The following ELP4 variants were observed in gnomAD, a reference collection of about 807,000 sequenced individuals.
ELP4 encodes the protein elongator acetyltransferase complex subunit 4.
ELP4 carries 51 observed loss-of-function variants against 48.9 expected under a neutral mutation model. The ratio of observed to expected loss-of-function variants is 1.04; its 90% confidence interval spans 0.83 to 1.32. The LOEUF is 1.32. Ranked by LOEUF, ELP4 falls within the 40% of genes most tolerant of loss-of-function variation. The pLI is 0.00. For synonymous variants in ELP4, 210 were observed against 189.2 expected (o/e 1.11, Z -0.90); for missense variants, 519 against 514.6 (o/e 1.01, Z -0.08).
intron 3 of ELP4, among the ~76,000 whole-genome samples, chr11:31,586,239 T>C (rs1957471103): frequency 6.6e-6 from 1 of 152,160 alleles, no homozygotes; most frequent in Admixed American, 6.5e-5. Context: ...GTCAAACATA[T>C]ACCTAACATT....
chr11:31,731,417 A>C (rs957018101), intron 9 of ELP4, among the ~76,000 whole-genome samples: 19 of 152,308 alleles, frequency 1.2e-4, no homozygotes, highest in East Asian at 9.6e-4. Flanking sequence ...ACTTTTAAAA[A>C]TTCCCTAGAG....
intron 7 of ELP4, among the ~76,000 whole-genome samples, chr11:31,642,649 T>G (rs1210235580): frequency 6.6e-6 from 1 of 151,870 alleles, no homozygotes; most frequent in Non-Finnish European, 1.5e-5. Context: ...TCCTCTGTAT[T>G]CTAAAATTAA....
chr11:31,553,875 G>A (rs1462715495), intron 3 of ELP4, among the ~76,000 whole-genome samples: 2 of 152,058 alleles, frequency 1.3e-5, no homozygotes, highest in African/African-American at 4.8e-5. Flanking sequence ...GGGCCTCACA[G>A]CAGGAGGTGA....
At chr11:31,574,707 C>T (rs1050266599) in intron 3 of ELP4, among the ~76,000 whole-genome samples, 3 of 152,194 alleles carry the variant, frequency 2.0e-5, no homozygotes, top group Non-Finnish European at 4.4e-5. Context: ...CTCCAACAGA[C>T]CTGCAGCTGA....
rs534704882 is a variant in ELP4, at chr11:31,635,232, G to A, written c.927+2827G>A. 6.6e-5 allele frequency among the ~76,000 whole-genome samples: 10 copies of A among 151,994 alleles called. No homozygotes were observed. In the South Asian group the frequency reaches 2.1e-3, roughly 32 times the overall value. ...GAATTGCAAGCAGTATGCTTAGAAA[G>A]GTAATCAAAGATGTACGAATACATA... is the stretch of plus-strand genomic sequence containing the variant. On this transcript the variant is annotated intron_variant, in intron 7 of 9. Coordinates refer to ENST00000640961, the MANE Select transcript of ELP4 (RefSeq NM_019040.5).
intron 4 of ELP4, among the ~76,000 whole-genome samples, chr11:31,597,696 C>T (rs1337240402): frequency 2.6e-5 from 4 of 151,806 alleles, no homozygotes; most frequent in Non-Finnish European, 4.4e-5. Context: ...CTCAGCCTCC[C>T]GAGTAGCTGG....
At chr11:31,733,043 A>G (rs1200942076) in intron 9 of ELP4, among the ~76,000 whole-genome samples, 1 of 152,202 alleles carries the variant, frequency 6.6e-6, no homozygotes, top group East Asian at 1.9e-4. Flanking sequence ...GACTTGAACA[A>G]CACTACAGAC....
chr11:31,616,485 TA>T (rs1944486802), intron 5 of ELP4, among the ~76,000 whole-genome samples: 1 of 151,978 alleles, frequency 6.6e-6, no homozygotes, highest in South Asian at 2.1e-4. Context: ...GAAGAAAACA[TA>T]GGGGAAACAT....
chr11:31,754,042 A>T (rs1039000945), intron 9 of ELP4, among the ~76,000 whole-genome samples: 2 of 152,150 alleles, frequency 1.3e-5, no homozygotes, highest in African/African-American at 4.8e-5. Flanking sequence ...AGTTTTCTAT[A>T]TGTTTGAAGT....
intron 7 of ELP4, among the ~76,000 whole-genome samples, chr11:31,643,984 A>C (rs7123030): frequency 0.027 from 4,033 of 151,914 alleles, 170 homozygotes; most frequent in African/African-American, 0.092. Context: ...TATGTAACTT[A>C]ATACAATGCT....
chr11:31,593,227 C>CTGTTTGTTGT (rs1957614782), intron 3 of ELP4, among the ~76,000 whole-genome samples: 1 of 149,910 alleles, frequency 6.7e-6, no homozygotes, highest in Admixed American at 6.7e-5. Flanking sequence ...GTGAATAATA[C>CTGTTTGTTGT]TGTTGTTGTT....
At chr11:31,531,770 T>C (rs892275367) in intron 2 of ELP4, among the ~76,000 whole-genome samples, 4 of 152,138 alleles carry the variant, frequency 2.6e-5, no homozygotes, top group African/African-American at 9.7e-5. Flanking sequence ...AGTGACAAGA[T>C]TAGATTTGCT....
At chr11:31,771,780 C>T (rs1948148173) in intron 9 of ELP4, among the ~76,000 whole-genome samples, 1 of 152,130 alleles carries the variant, frequency 6.6e-6, no homozygotes, top group African/African-American at 2.4e-5. Flanking sequence ...GAGATCAAGA[C>T]CATCCTGGCT....
intron 2 of ELP4, among the ~76,000 whole-genome samples, chr11:31,525,549 A>G (rs1010955289): frequency 1.3e-5 from 2 of 152,220 alleles, no homozygotes; most frequent in Non-Finnish European, 2.9e-5. Flanking sequence ...AGTACACAAT[A>G]GAGGATATCA....
At chr11:31,518,114 T>C (rs11826939) in intron 1 of ELP4, among the ~76,000 whole-genome samples, 39,813 of 151,652 alleles carry the variant, frequency 0.26, 5,462 homozygotes, top group South Asian at 0.34. Context: ...TTTTTCTTTT[T>C]TTTTTTTTTG....
At chr11:31,685,847 C>G (rs1296115789) in intron 9 of ELP4, among the ~76,000 whole-genome samples, 1 of 151,700 alleles carries the variant, frequency 6.6e-6, no homozygotes, top group Admixed American at 6.6e-5. Context: ...AGGAGAATCA[C>G]TTCAACCTGG....
At chr11:31,689,903 A>G (rs1488278112) in intron 9 of ELP4, among the ~76,000 whole-genome samples, 2 of 152,110 alleles carry the variant, frequency 1.3e-5, no homozygotes, top group Non-Finnish European at 1.5e-5. Flanking sequence ...TTGCTCTGCT[A>G]ATGGAAACCT....
chr11:31,559,174 A>G (rs939343359), intron 3 of ELP4, among the ~76,000 whole-genome samples: 6 of 152,208 alleles, frequency 3.9e-5, no homozygotes, highest in African/African-American at 1.4e-4. Context: ...GGATAACTTT[A>G]CTGTGGAAAC....
At chr11:31,668,652 C>A (rs1476019449) in intron 9 of ELP4, among the ~76,000 whole-genome samples, 2 of 123,514 alleles carry the variant, frequency 1.6e-5, no homozygotes, top group African/African-American at 2.7e-5. Context: ...CTTTAGATAT[C>A]GGAATGAAAT....
Sources: allele counts gnomAD v4.1 joint callset (sites outside exome capture counted in the v4.1 genomes callset), GRCh38; gene constraint gnomAD v4.1.1; transcripts MANE v1.5; gene names NCBI Gene and HGNC (gene_info 2026-07-23, HGNC 2026-07-21).